ARHGAP26: variants seen among roughly 807,000 people sequenced by gnomAD.
ARHGAP26 encodes rho GTPase-activating protein 26.
In ARHGAP26, 38 loss-of-function variants were observed where a neutral mutation model predicts 104.8. The observed-to-expected ratio is 0.36, with a 90% CI of 0.28 to 0.48. The LOEUF (loss-of-function observed/expected upper bound fraction) is 0.48. ARHGAP26 is among the 20% of genes least tolerant of loss of function. The pLI is 0.99. For synonymous variants in ARHGAP26, 341 were observed against 340.0 expected, an observed-to-expected ratio of 1.00 and a Z score of -0.03; for missense variants, 704 against 947.9, an observed-to-expected ratio of 0.74 and a Z score of 3.38.
At position 142,970,730 on chromosome 5, in the gene ARHGAP26, A is replaced by C. The variant is rs74496342; in HGVS notation, c.1107+38605A>C. ...AAGGGAGAATCAAGGTGTTGTTACC[A>C]GAAGTGGGAATGGATGTGGGGCAAG... On this transcript the variant is annotated intron_variant, in intron 11 of 22. Coordinates refer to ENST00000645722, the MANE Select transcript of ARHGAP26 (RefSeq NM_001135608.3). 2.7e-3 allele frequency among the ~76,000 whole-genome samples: 405 copies of C among 152,330 alleles called. 2 individuals carry two copies. The highest frequency in any genetic ancestry group is 9.6e-3 in the African/African-American group (398 of 41,568).
rs535009248 is a variant in ARHGAP26 at position 143,202,205 on chromosome 5, C to CT, written c.1989-4987dup. 12 of 150,496 alleles carry CT rather than the reference C, an allele frequency of 8.0e-5. No individual in the cohort carries two copies. In the South Asian group the frequency reaches 2.1e-3, roughly 26 times the overall value. 9.3% of individuals were successfully genotyped at this position (150,496 alleles called of 1,614,324 possible). On this transcript the variant is annotated intron_variant, in intron 20 of 22. Coordinates refer to ENST00000645722, the MANE Select transcript of ARHGAP26 (RefSeq NM_001135608.3). ...ACCATTATTTAATGCACTTCTTTGTCTTTTTTCATCTTTGTTGGTTTTAAG... is the reference window on the plus strand; with the variant it reads ...ACCATTATTTAATGCACTTCTTTGTCTTTTTTTCATCTTTGTTGGTTTTAAG...
intron 20 of ARHGAP26, among the ~76,000 whole-genome samples, chr5:143,174,121 A>G (rs1349933395): frequency 1.3e-5 from 2 of 152,216 alleles, no homozygotes; most frequent in African/African-American, 2.4e-5. Context: ...AAATGTCAAT[A>G]TTCATTCAGT....
In ARHGAP26 at chr5:142,913,306, C is replaced by T. The variant is rs1311339440; in HGVS notation, c.1028+13C>T. The T allele has an allele frequency of 7.5e-6, 12 of 1,609,812 alleles. No homozygotes were observed. Among genetic ancestry groups the T allele is most frequent in the Non-Finnish European group, 1.0e-5 (12 of 1,176,236 alleles). ...AAGCAGTAGACAGGTGAGTAGCTAGCATGCTTTTCTCAGGAGCAAATAGAG... is the reference window on the plus strand; with the variant it reads ...AAGCAGTAGACAGGTGAGTAGCTAGTATGCTTTTCTCAGGAGCAAATAGAG... On this transcript the variant is annotated intron_variant, in intron 10 of 22. Transcript: ENST00000645722.
chr5:142,993,919 C>T (rs1348592266), intron 11 of ARHGAP26, among the ~76,000 whole-genome samples: 1 of 152,182 alleles, frequency 6.6e-6, no homozygotes, highest in South Asian at 2.1e-4. Flanking sequence ...GATCCTCCCA[C>T]CTCACTTCCC....
At chr5:143,096,554 C>G (rs946977411) in intron 17 of ARHGAP26, among the ~76,000 whole-genome samples, 1 of 152,210 alleles carries the variant, frequency 6.6e-6, no homozygotes, top group Non-Finnish European at 1.5e-5. Flanking sequence ...TGCTTTCCCT[C>G]AAGTCAACTT....
intron 11 of ARHGAP26, among the ~76,000 whole-genome samples, chr5:142,952,163 CTT>C (rs939869498): frequency 6.6e-6 from 1 of 152,178 alleles, no homozygotes; most frequent in Admixed American, 6.5e-5. Flanking sequence ...CTTAATTACA[CTT>C]TTTTTTCCAA....
chr5:143,090,140 C>T (rs1791194835), intron 17 of ARHGAP26, among the ~76,000 whole-genome samples: 2 of 152,206 alleles, frequency 1.3e-5, no homozygotes, highest in Non-Finnish European at 2.9e-5. Context: ...GCTGGATGGC[C>T]CTTGGGGGCT....
intron 20 of ARHGAP26, chr5:143,169,589 G>A (rs1032297374): frequency 6.6e-6 from 1 of 152,188 alleles, no homozygotes; most frequent in African/African-American, 2.4e-5. Context: ...ATTTCTGTTG[G>A]TCCACATTGA....
chr5:142,987,672 C>G (rs1309783348), intron 11 of ARHGAP26, among the ~76,000 whole-genome samples: 1 of 152,126 alleles, frequency 6.6e-6, no homozygotes, highest in Non-Finnish European at 1.5e-5. Context: ...TATGTCCCAT[C>G]AATACCTAGT....
intron 5 of ARHGAP26, among the ~76,000 whole-genome samples, chr5:142,890,727 G>T (rs1486343745): frequency 6.6e-6 from 1 of 152,074 alleles, no homozygotes; most frequent in Admixed American, 6.5e-5. Flanking sequence ...AGCAACCACC[G>T]ACATGCACGG....
intron 5 of ARHGAP26, among the ~76,000 whole-genome samples, chr5:142,890,944 G>T (rs452711): frequency 6.6e-6 from 1 of 151,712 alleles, no homozygotes; most frequent in African/African-American, 2.4e-5. Flanking sequence ...TCCTTATAGG[G>T]ATTTCCTTCT....
intron 10 of ARHGAP26, among the ~76,000 whole-genome samples, chr5:142,921,289 T>C (rs1598250875): frequency 6.6e-6 from 1 of 152,230 alleles, no homozygotes; most frequent in African/African-American, 2.4e-5. Context: ...TAAATATCTG[T>C]CTCAGGTGAT....
At chr5:142,973,805 C>T (rs1772628026) in intron 11 of ARHGAP26, among the ~76,000 whole-genome samples, 1 of 151,998 alleles carries the variant, frequency 6.6e-6, no homozygotes, top group Non-Finnish European at 1.5e-5. Flanking sequence ...AAAAGTAGGT[C>T]AGCAACACAA....
intron 1 of ARHGAP26, among the ~76,000 whole-genome samples, chr5:142,854,335 T>C (rs1055073898): frequency 6.6e-6 from 1 of 152,236 alleles, no homozygotes; most frequent in African/African-American, 2.4e-5. Flanking sequence ...CTTTTCTAGC[T>C]TGCATCTGCA....
At chr5:143,089,426 C>G (rs1362720142) in intron 17 of ARHGAP26, among the ~76,000 whole-genome samples, 2 of 152,178 alleles carry the variant, frequency 1.3e-5, no homozygotes, top group African/African-American at 4.8e-5. Flanking sequence ...GGTCATTTAC[C>G]CCTGAGTTGT....
intron 11 of ARHGAP26, among the ~76,000 whole-genome samples, chr5:142,994,071 C>G (rs1749574383): frequency 6.6e-6 from 1 of 152,220 alleles, no homozygotes; most frequent in African/African-American, 2.4e-5. Context: ...ATGTGCAAGG[C>G]CCTCTGGTCT....
At chr5:143,171,403 G>A (rs1802752178) in intron 20 of ARHGAP26, among the ~76,000 whole-genome samples, 2 of 152,110 alleles carry the variant, frequency 1.3e-5, no homozygotes, top group African/African-American at 4.8e-5. Flanking sequence ...GATGAGAGCC[G>A]CACTTGAGAT....
intron 12 of ARHGAP26, among the ~76,000 whole-genome samples, chr5:143,023,247 T>C (rs1420675264): frequency 1.3e-5 from 2 of 152,266 alleles, no homozygotes; most frequent in African/African-American, 4.8e-5. Flanking sequence ...CCTTGTTTTA[T>C]GAGGACAAGA....
chr5:142,983,085 A>T (rs1774188983), intron 11 of ARHGAP26, among the ~76,000 whole-genome samples: 1 of 152,154 alleles, frequency 6.6e-6, no homozygotes, highest in Admixed American at 6.5e-5. Flanking sequence ...GTGGAGGAGG[A>T]CAGGTCCCCT....
Sources: allele counts gnomAD v4.1 joint callset (sites outside exome capture counted in the v4.1 genomes callset), GRCh38; gene constraint gnomAD v4.1.1; transcripts MANE v1.5; gene names NCBI Gene and HGNC (gene_info 2026-07-23, HGNC 2026-07-21).